Variants in RBFOX1 observed in about 807,000 individuals in gnomAD.
RBFOX1 encodes RNA binding protein fox-1 homolog 1.
Under a neutral mutation model 57.7 loss-of-function variants are expected in RBFOX1, and 8 were observed. The ratio of observed to expected loss-of-function variants is 0.14; its 90% CI spans 0.08 to 0.25. RBFOX1 has a LOEUF of 0.25. RBFOX1 is among the 10% of genes least tolerant of loss of function. The pLI, the probability that RBFOX1 is intolerant of heterozygous loss-of-function variation, is 1.00. For synonymous variants in RBFOX1, 326 were observed against 222.4 expected, an observed-to-expected ratio of 1.47 and a Z score of -4.15; for missense variants, 611 against 548.5, an observed-to-expected ratio of 1.11 and a Z score of -1.14.
intron 5 of RBFOX1, among the ~76,000 whole-genome samples, chr16:7,525,363 T>C (rs911089615): frequency 2.0e-5 from 3 of 152,194 alleles, no homozygotes; most frequent in African/African-American, 7.2e-5. Flanking sequence ...TCTCTGGGTT[T>C]AATCTTGCAC....
At chr16:7,232,839 A>C (rs1397798523) in intron 4 of RBFOX1, among the ~76,000 whole-genome samples, 1 of 137,928 alleles carries the variant, frequency 7.3e-6, no homozygotes, top group African/African-American at 2.8e-5. Context: ...CAAGAGTGAA[A>C]CTTCATCTCT....
In RBFOX1 at chr16:6,770,865, G is replaced by T. The variant is rs1004467768; in HGVS notation, c.-16+116215G>T. 5.3e-5 allele frequency among the ~76,000 whole-genome samples: 8 copies of T among 152,144 alleles called. No homozygotes were observed. The South Asian group carries it at 1.2e-3, about 24-fold the overall frequency. On this transcript the variant is annotated intron_variant, in intron 3 of 15. Transcript: ENST00000550418. ...AATAGTAGGGCTGAAGTCTCCCATG[G>T]ATAATGCAACACAGTTGTCAGTGAC...
rs150340685 is a variant in RBFOX1 at position 5,892,189 on chromosome 16, G to T, written c.351+24854G>T. On this transcript the variant is annotated intron_variant, in intron 4 of 19. Transcript: ENST00000641259. Reference sequence around the variant, plus strand: ...AAAGAAAAAGCAGGACAGAGAGAGGGGCTGGCAGTGCTAGGTACACAGCAG... The same window carrying T: ...AAAGAAAAAGCAGGACAGAGAGAGGTGCTGGCAGTGCTAGGTACACAGCAG... Among the ~76,000 whole-genome samples the T allele has an allele frequency of 2.3e-3, 347 of 152,270 alleles. 3 individuals are homozygous for T. Among genetic ancestry groups the T allele is most frequent in the Non-Finnish European group, 1.6e-3 (112 of 68,030 alleles).
At chr16:6,699,323 C>G (rs1019106567) in intron 3 of RBFOX1, among the ~76,000 whole-genome samples, 1 of 146,436 alleles carries the variant, frequency 6.8e-6, no homozygotes, top group Admixed American at 6.9e-5. Context: ...TTTAAAGTGA[C>G]TTTCAGGATC....
At position 7,579,788 on chromosome 16, in the gene RBFOX1, C is replaced by G. The variant is rs145861898; in HGVS notation, c.282C>G (p.Asp94Glu). Residue 94 changes from aspartate (D) to glutamate (E), a missense_variant, in exon 6 of 16, where the codon GAC (aspartate) becomes GAG (glutamate). Physicochemically the swap from Asp to Glu is conservative, Grantham distance 45 (BLOSUM62 2). Coordinates refer to ENST00000550418, the MANE Select transcript of RBFOX1 (RefSeq NM_018723.4). ...TVSGTATQTD[D>E]AAPTDGQPQT... ...TCTTGTTCTTTTAGCAGACAGATGA[C>G]GCAGCACCGACGGATGGCCAGCCCC... 1.2e-6 allele frequency: 2 copies of G among 1,614,018 alleles called. No homozygotes were observed. The highest frequency in any genetic ancestry group is 1.1e-5 in the South Asian group (1 of 91,070).
At chr16:6,236,297 C>T (rs1156277466) in intron 1 of RBFOX1, among the ~76,000 whole-genome samples, 2 of 152,162 alleles carry the variant, frequency 1.3e-5, no homozygotes, top group Non-Finnish European at 2.9e-5. Context: ...TCACTTTGTC[C>T]TGGTCCCATT....
intron 3 of RBFOX1, among the ~76,000 whole-genome samples, chr16:6,756,558 G>A (rs952326409): frequency 6.6e-6 from 1 of 152,130 alleles, no homozygotes; most frequent in East Asian, 1.9e-4. Context: ...ATATTTGCAA[G>A]CTATTCAGTC....
intron 3 of RBFOX1, among the ~76,000 whole-genome samples, chr16:6,892,628 C>G (rs1008859741): frequency 1.3e-5 from 2 of 152,140 alleles, no homozygotes; most frequent in African/African-American, 2.4e-5. Context: ...CAAGATTGCA[C>G]CACTGTACTC....
rs944943331 is a variant in RBFOX1, at chr16:7,176,618, A to G, written c.27+124520A>G. 6.6e-5 allele frequency among the ~76,000 whole-genome samples: 10 copies of G among 152,250 alleles called. No individual in the cohort carries two copies. In the East Asian group the frequency reaches 9.7e-4, roughly 15 times the overall value. The stretch of plus-strand genomic sequence containing the variant: ...AACGACACAGATGATTAGTGACAGA[A>G]ACTATATGGGTGGCAAAGCCTGAAA... On this transcript the variant is annotated intron_variant, in intron 4 of 15. Transcript: ENST00000550418.
intron 3 of RBFOX1, among the ~76,000 whole-genome samples, chr16:6,813,240 G>A (rs879763406): frequency 6.6e-6 from 1 of 152,214 alleles, no homozygotes; most frequent in East Asian, 1.9e-4. Context: ...CACTTCTCCG[G>A]TTCCCCAGAT....
chr16:7,360,894 C>T (rs1005887475), intron 4 of RBFOX1, among the ~76,000 whole-genome samples: 10 of 152,132 alleles, frequency 6.6e-5, no homozygotes, highest in African/African-American at 2.4e-4. Context: ...ATTTAGAGTC[C>T]CTGAATGTAT....
intron 10 of RBFOX1, among the ~76,000 whole-genome samples, chr16:7,628,801 C>A (rs2060477106): frequency 6.6e-6 from 1 of 152,048 alleles, no homozygotes; most frequent in Non-Finnish European, 1.5e-5. Flanking sequence ...TTAGTAGAGA[C>A]AGGATTTCAC....
intron 3 of RBFOX1, among the ~76,000 whole-genome samples, chr16:6,909,043 T>A (rs536365552): frequency 1.3e-5 from 2 of 152,312 alleles, no homozygotes; most frequent in South Asian, 4.1e-4. Context: ...TTGCTATAAC[T>A]AAATGATCAC....
intron 4 of RBFOX1, among the ~76,000 whole-genome samples, chr16:7,395,606 G>A (rs572937513): frequency 6.6e-6 from 1 of 152,194 alleles, no homozygotes; most frequent in Non-Finnish European, 1.5e-5. Context: ...TACCTTTGTT[G>A]TGGGGATTGA....
chr16:7,033,384 A>G (rs560484620), intron 3 of RBFOX1, among the ~76,000 whole-genome samples: 4 of 152,204 alleles, frequency 2.6e-5, no homozygotes, highest in Admixed American at 1.3e-4. Flanking sequence ...GCCAGATGTG[A>G]TGGCACATGC....
chr16:6,904,198 C>T (rs1361554777), intron 3 of RBFOX1, among the ~76,000 whole-genome samples: 2 of 152,194 alleles, frequency 1.3e-5, no homozygotes, highest in African/African-American at 2.4e-5. Context: ...ACCATCTTAA[C>T]ACATTGCATG....
chr16:6,861,837 T>TGG (rs1178840340), intron 3 of RBFOX1, among the ~76,000 whole-genome samples: 2 of 148,824 alleles, frequency 1.3e-5, no homozygotes, highest in South Asian at 4.3e-4. Flanking sequence ...TTTTTTTTTT[T>TGG]TTTTTTTGGT....
rs147359534 is a variant in RBFOX1 at position 6,149,232 on chromosome 16, C to T, written c.-127+129240C>T. Among the ~76,000 whole-genome samples the T allele has an allele frequency of 1.9e-3, 293 of 152,268 alleles. 5 individuals carry two copies. Among genetic ancestry groups the T allele is most frequent in the East Asian group, 0.014 (72 of 5,170 alleles). ...GTATGTGTGTGTGTGCGCGCGCGTGCGCGGATGTGTGTGGCTGCTTGTGTA... is the reference window on the plus strand; with the variant it reads ...GTATGTGTGTGTGTGCGCGCGCGTGTGCGGATGTGTGTGGCTGCTTGTGTA... On this transcript the variant is annotated intron_variant, in intron 1 of 15. Transcript: ENST00000550418.
intron 3 of RBFOX1, among the ~76,000 whole-genome samples, chr16:5,611,984 C>T (rs936520267): frequency 6.6e-6 from 1 of 151,788 alleles, no homozygotes; most frequent in Non-Finnish European, 1.5e-5. Context: ...TAAAAACAGC[C>T]AGATGTAGTA....
Sources: gnomAD v4.1 joint callset for allele counts (sites outside exome capture counted in the v4.1 genomes callset) on GRCh38, gnomAD v4.1.1 for gene constraint, MANE v1.5 for transcripts, NCBI Gene and HGNC (gene_info 2026-07-23, HGNC 2026-07-21) for gene names.